ANKRD30A: variants seen among roughly 807,000 people sequenced by gnomAD.
The protein encoded by ANKRD30A is ankyrin repeat domain 30A.
A neutral mutation model predicts 166.3 loss-of-function variants in ANKRD30A; 170 were observed. The observed-to-expected ratio is 1.02, with a 90% confidence interval of 0.90 to 1.16. ANKRD30A has a LOEUF of 1.16. Among genes scored for constraint, ANKRD30A ranks in the 50% most tolerant of loss-of-function variants. The probability of loss-of-function intolerance (pLI) is 0.00; values close to 1 mark genes in which losing one functional copy is unlikely to be tolerated. For missense variants in ANKRD30A, 1,630 were observed against 1,518.0 expected, an observed-to-expected ratio of 1.07 and a Z score of -1.23; for synonymous variants, 564 against 508.9, an observed-to-expected ratio of 1.11 and a Z score of -1.46.
At chr10:37,160,158 G>T (rs11011053) in intron 15 of ANKRD30A, among the ~76,000 whole-genome samples, 1,902 of 152,228 alleles carry the variant, frequency 0.012, 46 homozygotes, top group African/African-American at 0.044. Context: ...CATTTAATTA[G>T]ACCGTCTTTT....
chr10:37,232,906 A>AT (rs1190438753), downstream of ANKRD30A, among the ~76,000 whole-genome samples: 101 of 149,348 alleles, frequency 6.8e-4, no homozygotes, highest in African/African-American at 2.4e-3. Context: ...AAAAAAAAAA[A>AT]ACAAAATAAA....
the ANKRD30A span, among the ~76,000 whole-genome samples, chr10:37,248,559 T>C: frequency 1.3e-5 from 2 of 152,158 alleles, no homozygotes; most frequent in African/African-American, 4.8e-5. Context: ...GTGGAAGACT[T>C]TTTTAGGCAA....
intron 8 of ANKRD30A, among the ~76,000 whole-genome samples, chr10:37,146,201 A>G (rs370276213): frequency 7.2e-5 from 11 of 152,288 alleles, no homozygotes; most frequent in African/African-American, 2.4e-4. Flanking sequence ...TCATTTAAAC[A>G]TAACATAAAT....
chr10:37,151,966 A>G, intron 11 of ANKRD30A, 94 bp from the exon 12 acceptor site: 1 of 1,156,658 alleles, frequency 8.6e-7, no homozygotes, highest in South Asian at 1.5e-5. Context: ...AGGAAAAACC[A>G]CAGATTCGTG....
At chr10:37,167,167 A>C (rs1839420062) in intron 19 of ANKRD30A, among the ~76,000 whole-genome samples, 1 of 151,516 alleles carries the variant, frequency 6.6e-6, no homozygotes, top group African/African-American at 2.4e-5. Context: ...GCATTTAGAA[A>C]AGTTTTACTG....
intron 27 of ANKRD30A, among the ~76,000 whole-genome samples, chr10:37,196,275 A>G (rs1841097671): frequency 6.6e-6 from 1 of 152,038 alleles, no homozygotes; most frequent in South Asian, 2.1e-4. Context: ...AGACTACCGG[A>G]AGCAGGAGTC....
rs539136835 is a variant in ANKRD30A at position 37,192,742 on chromosome 10, A to T, written c.2513-322A>T. Among the ~76,000 whole-genome samples, 4 of 152,164 alleles carry T rather than the reference A, an allele frequency of 2.6e-5. 1 individual carries two copies. Among genetic ancestry groups the T allele is most frequent in the African/African-American group, 7.2e-5 (3 of 41,464 alleles). ...TGGCATGACTTGGTCATCTTATTAA[A>T]TACAACTTCTTTCCTTATACGGCCG... On this transcript the variant is annotated intron_variant, in intron 25 of 35. Transcript: ENST00000361713.
chr10:37,129,170 G>A (rs967472560), intron 1 of ANKRD30A, among the ~76,000 whole-genome samples: 2 of 151,982 alleles, frequency 1.3e-5, no homozygotes, highest in South Asian at 2.1e-4. Flanking sequence ...GGACTGCCTC[G>A]TCCTGTTGTA....
the ANKRD30A span, among the ~76,000 whole-genome samples, chr10:37,238,566 A>G: frequency 6.6e-6 from 1 of 152,328 alleles, no homozygotes; most frequent in African/African-American, 2.4e-5. Context: ...TCTTCAGTAC[A>G]AAATTAGACT....
rs550872634 is a variant in ANKRD30A, at chr10:37,229,202, T to C, written c.4186-2259T>C. ...AGGTATACCGTGAGATTTGCAACAT[T>C]AGTTTAGAAAAGGCTCTCTATCTCA... On this transcript the variant is annotated intron_variant, in intron 34 of 35. Coordinates refer to ENST00000361713, the MANE Select transcript of ANKRD30A (RefSeq NM_052997.3). Among the ~76,000 whole-genome samples the C allele has an allele frequency of 7.7e-4, 117 of 152,110 alleles. 1 individual carries two copies. The highest frequency in any genetic ancestry group is 4.7e-4 in the Non-Finnish European group (32 of 67,962).
At chr10:37,146,357 T>C (rs1837512103) in intron 8 of ANKRD30A, among the ~76,000 whole-genome samples, 4 of 152,270 alleles carry the variant, frequency 2.6e-5, no homozygotes, top group Admixed American at 2.6e-4. Context: ...ATATGACTTA[T>C]TCTTAACATT....
Position 37,158,269 on chromosome 10 carries a change from C to G in ANKRD30A, c.1799-123C>G, listed in dbSNP as rs562540977. ...TACAATAACCCAAAAGACCCCAAAACATAGTGTAATCCGTTTTGCAATCCA... is the reference window on the plus strand; with the variant it reads ...TACAATAACCCAAAAGACCCCAAAAGATAGTGTAATCCGTTTTGCAATCCA... On this transcript the variant is annotated intron_variant, in intron 13 of 35. Coordinates refer to ENST00000361713, the MANE Select transcript of ANKRD30A (RefSeq NM_052997.3). The G allele has an allele frequency of 6.7e-5, 95 of 1,427,578 alleles. No homozygotes were observed. In the East Asian group the frequency reaches 1.1e-3, roughly 16 times the overall value. 88.4% of individuals were successfully genotyped at this position (1,427,578 alleles called of 1,614,324 possible).
chr10:37,164,105 C>A (rs1203953500), intron 17 of ANKRD30A, among the ~76,000 whole-genome samples: 2 of 147,606 alleles, frequency 1.4e-5, no homozygotes, highest in East Asian at 1.9e-4. Context: ...ATGCTGAGAT[C>A]ACAAGTTAAA....
intron 24 of ANKRD30A, chr10:37,178,439 C>T (rs1767379): frequency 0.48 from 328,384 of 690,728 alleles, 90,911 homozygotes; most frequent in African/African-American, 0.6. Context: ...TTCAGCCGAC[C>T]TGGGATTCTG....
chr10:37,243,642 T>C, the ANKRD30A span, among the ~76,000 whole-genome samples: 1 of 152,026 alleles, frequency 6.6e-6, no homozygotes. Context: ...GAAAGACGTA[T>C]AATAAAACCA....
intron 25 of ANKRD30A, among the ~76,000 whole-genome samples, chr10:37,190,935 G>T (rs529545683): frequency 1.1e-4 from 17 of 151,882 alleles, no homozygotes; most frequent in African/African-American, 4.1e-4. Flanking sequence ...AATTGTGTTG[G>T]TAAAATTGCC....
chr10:37,211,630 A>G (rs1451383296), intron 31 of ANKRD30A, among the ~76,000 whole-genome samples: 1 of 152,056 alleles, frequency 6.6e-6, no homozygotes, highest in Non-Finnish European at 1.5e-5. Flanking sequence ...ATGTTTTATA[A>G]TCCTTTGGGT....
chr10:37,238,544 A>G, the ANKRD30A span, among the ~76,000 whole-genome samples: 2 of 152,306 alleles, frequency 1.3e-5, no homozygotes, highest in South Asian at 4.1e-4. Context: ...TATTCTCTAC[A>G]GAGTTCATAT....
intron 31 of ANKRD30A, among the ~76,000 whole-genome samples, chr10:37,208,933 A>G (rs138512280): frequency 3.8e-4 from 58 of 152,248 alleles, no homozygotes; most frequent in Admixed American, 1.6e-3. Flanking sequence ...TACTCTATCT[A>G]TACATAATTT....
Sources: gnomAD v4.1 joint callset for allele counts (sites outside exome capture counted in the v4.1 genomes callset) on GRCh38, gnomAD v4.1.1 for gene constraint, MANE v1.5 for transcripts, NCBI Gene and HGNC (gene_info 2026-07-23, HGNC 2026-07-21) for gene names.